Variants in GAD1 observed in about 807,000 individuals in gnomAD.
The protein encoded by GAD1 is glutamate decarboxylase 1, also known as 67 kDa glutamic acid decarboxylase.
GAD1 carries 35 observed loss-of-function variants against 75.2 expected under a neutral mutation model. The ratio of observed to expected loss-of-function variants is 0.47; its 90% confidence interval spans 0.36 to 0.62. The LOEUF is 0.62. GAD1 is among the 20% of genes least tolerant of loss of function. The pLI, the probability that GAD1 is intolerant of heterozygous loss-of-function variation, is 0.00. For missense variants in GAD1, 490 were observed against 758.5 expected, an observed-to-expected ratio of 0.65 and a Z score of 4.16; for synonymous variants, 257 against 271.9, an observed-to-expected ratio of 0.95 and a Z score of 0.54.
chr2:170,834,144 TCA>T (rs748880541), intron 5 of GAD1, among the ~76,000 whole-genome samples: 6 of 152,200 alleles, frequency 3.9e-5, no homozygotes, highest in Non-Finnish European at 8.8e-5. Flanking sequence ...TTTACAGAGT[TCA>T]CAGTCTTCCA....
chr2:170,859,236 T>C (rs1038207919), intron 16 of GAD1, among the ~76,000 whole-genome samples: 2 of 152,220 alleles, frequency 1.3e-5, no homozygotes, highest in African/African-American at 4.8e-5. Flanking sequence ...ACATTTTAAG[T>C]TCAGGCCCAC....
intron 3 of GAD1, among the ~76,000 whole-genome samples, chr2:170,824,928 TCGTG>T: frequency 1.2e-5 from 1 of 84,194 alleles, no homozygotes; most frequent in South Asian, 4.2e-4. Context: ...TAGCCTACAC[TCGTG>T]TGTGTGTGTG....
chr2:170,821,895 G>GAGT (rs1304453903), intron 2 of GAD1, 192 bp from the exon 3 acceptor site: 4 of 609,734 alleles, frequency 6.6e-6, no homozygotes, highest in African/African-American at 5.5e-5. Flanking sequence ...AGCAGGAAGG[G>GAGT]AGTATGATGG....
At chr2:170,826,623 A>G (rs1331226957) in intron 3 of GAD1, among the ~76,000 whole-genome samples, 1 of 151,006 alleles carries the variant, frequency 6.6e-6, no homozygotes, top group Non-Finnish European at 1.5e-5. Flanking sequence ...TCATGAGCGC[A>G]TCTCTGGGAG....
intron 2 of GAD1, among the ~76,000 whole-genome samples, chr2:170,819,996 A>G (rs1559266500): frequency 6.6e-6 from 1 of 152,162 alleles, no homozygotes; most frequent in Non-Finnish European, 1.5e-5. Flanking sequence ...CACAACAAAG[A>G]GGGCCTCGGG....
chr2:170,823,211 C>T (rs1479158227), intron 3 of GAD1, among the ~76,000 whole-genome samples: 2 of 152,196 alleles, frequency 1.3e-5, no homozygotes, highest in Admixed American at 6.5e-5. Context: ...CGGGAGATAG[C>T]GGCAGAGCAG....
In GAD1 at chr2:170,842,636, G is replaced by T. The variant is rs2105795856; in HGVS notation, c.639-1409G>T. The stretch of plus-strand genomic sequence containing the variant: ...CTCAGAGCAGAACCAAAGCATGATT[G>T]TGACCTCCAGAGGTGATGGTAACTG... On this transcript the variant is annotated intron_variant, in intron 6 of 16. Coordinates refer to ENST00000358196, the MANE Select transcript of GAD1 (RefSeq NM_000817.3). 2.5e-6 allele frequency: 4 copies of T among 1,614,092 alleles called. No homozygotes were observed. In the East Asian group the frequency reaches 8.9e-5, roughly 36 times the overall value.
At chr2:170,842,606 T>C (rs770268024) in intron 6 of GAD1, 1 of 1,614,112 alleles carries the variant, frequency 6.2e-7, no homozygotes, top group South Asian at 1.1e-5. Flanking sequence ...GCTACGGTGA[T>C]GGGGCTCAGA....
chr2:170,831,202 A>C lies in GAD1; in HGVS notation c.547+10A>C. On this transcript the variant is annotated intron_variant, in intron 5 of 16. Coordinates refer to ENST00000358196, the MANE Select transcript of GAD1 (RefSeq NM_000817.3). ...TATGGGGTTCGCACAGGTAAGGAGG[A>C]GAGTTGGGTAGACAGGTAGTGGCAA... 6.2e-7 allele frequency: 1 copy of C among 1,613,998 alleles called. No homozygotes were observed. Among genetic ancestry groups the C allele is most frequent in the Non-Finnish European group, 8.5e-7 (1 of 1,179,934 alleles).
At chr2:170,825,340 G>C (rs760265041) in intron 3 of GAD1, among the ~76,000 whole-genome samples, 1 of 152,152 alleles carries the variant, frequency 6.6e-6, no homozygotes, top group Non-Finnish European at 1.5e-5. Flanking sequence ...AATGAGCTAT[G>C]ATGGCGCCAC....
intron 2 of GAD1, chr2:170,821,852 T>G: frequency 1.8e-6 from 1 of 553,372 alleles, no homozygotes. Context: ...GTGCCCCGCC[T>G]CTCAGAGACA....
chr2:170,854,034 A>G lies in GAD1; in HGVS notation c.1413+12A>G, dbSNP rs1448946642. 3.7e-6 allele frequency: 6 copies of G among 1,614,126 alleles called. No homozygotes were observed. Among genetic ancestry groups the G allele is most frequent in the Admixed American group, 3.3e-5 (2 of 60,030 alleles). Reference sequence around the variant, plus strand: ...TGTGGAAAGCAAAGGTATGAAGGGAATAGTTCAGGAAATAGAGCAGAAATG... The same window carrying G: ...TGTGGAAAGCAAAGGTATGAAGGGAGTAGTTCAGGAAATAGAGCAGAAATG... On this transcript the variant is annotated intron_variant, in intron 14 of 16. Transcript: ENST00000358196.
At chr2:170,859,509 C>G (rs1030444134) in intron 16 of GAD1, among the ~76,000 whole-genome samples, 200 bp from the exon 17 acceptor site, 7 of 152,126 alleles carry the variant, frequency 4.6e-5, no homozygotes, top group African/African-American at 1.7e-4. Context: ...TTTCAAAATT[C>G]GGTTGCACAG....
At chr2:170,842,871 A>C (rs1702547953) in intron 6 of GAD1, 4 of 702,416 alleles carry the variant, frequency 5.7e-6, no homozygotes, top group Middle Eastern at 4.1e-4. Flanking sequence ...CTTATGTAAA[A>C]CAATAGTTAT....
At position 170,861,064 on chromosome 2, in the gene GAD1, A is replaced by G. The variant is rs1210024565; in HGVS notation, c.*1182A>G. 2 of 152,656 alleles carry G rather than the reference A, an allele frequency of 1.3e-5. No homozygotes were observed. The highest frequency in any genetic ancestry group is 2.9e-5 in the Non-Finnish European group (2 of 68,036). The allele number at this position is 152,656 out of a possible 1,614,324, so 9.5% of individuals were successfully genotyped here. The stretch of plus-strand genomic sequence containing the variant: ...GTGACCAGGCTCACAACTGTTTTTG[A>G]AGAAGGGAAATTCACACTGTGCGTT... On this transcript the variant is annotated 3_prime_UTR_variant, in exon 17 of 17. Transcript: ENST00000358196.
At chr2:170,854,772 A>G (rs1702816306) in intron 14 of GAD1, among the ~76,000 whole-genome samples, 1 of 152,172 alleles carries the variant, frequency 6.6e-6, no homozygotes, top group South Asian at 2.1e-4. Flanking sequence ...AACTTCAATA[A>G]TGCCTTTCCC....
rs1312747250 is a variant in GAD1 at position 170,849,360 on chromosome 2, A to G, written c.1184+10A>G. Reference sequence around the variant, plus strand: ...TCAACGGCATAGAAAGGTAACGGCCAGAACTCGCCAGGCCTCCTTCCACCC... The same window carrying G: ...TCAACGGCATAGAAAGGTAACGGCCGGAACTCGCCAGGCCTCCTTCCACCC... On this transcript the variant is annotated intron_variant, in intron 12 of 16. Coordinates refer to ENST00000358196, the MANE Select transcript of GAD1 (RefSeq NM_000817.3). 19 of 1,613,816 alleles carry G rather than the reference A, an allele frequency of 1.2e-5. No homozygotes were observed. Among genetic ancestry groups the G allele is most frequent in the South Asian group, 5.5e-5 (5 of 91,062 alleles).
At chr2:170,842,460 A>G (rs1342021257) in intron 6 of GAD1, 1 of 1,017,990 alleles carries the variant, frequency 9.8e-7, no homozygotes, top group African/African-American at 1.6e-5. Flanking sequence ...GGAACCATTA[A>G]TAACACATTT....
At chr2:170,831,921 G>A (rs867774659) in intron 5 of GAD1, among the ~76,000 whole-genome samples, 34 of 150,804 alleles carry the variant, frequency 2.3e-4, no homozygotes, top group South Asian at 4.2e-4. Context: ...AGCCAAGATC[G>A]TGCCACTGCA....
Sources: allele counts gnomAD v4.1 joint callset (sites outside exome capture counted in the v4.1 genomes callset), GRCh38; gene constraint gnomAD v4.1.1; transcripts MANE v1.5; gene names NCBI Gene and HGNC (gene_info 2026-07-23, HGNC 2026-07-21).